TFDP2: variants seen among roughly 807,000 people sequenced by gnomAD.
TFDP2 encodes the protein transcription factor Dp-2 (E2F dimerization partner 2).
Under a neutral mutation model 59.3 loss-of-function variants are expected in TFDP2, and 17 were observed. That is an observed-to-expected ratio of 0.29 (90% CI 0.20 to 0.43). The LOEUF is 0.43. TFDP2 is among the 20% of genes least tolerant of loss of function. TFDP2 has a pLI of 1.00. For synonymous variants in TFDP2, 180 were observed against 194.7 expected, an observed-to-expected ratio of 0.92 and a Z score of 0.63; for missense variants, 391 against 528.8, an observed-to-expected ratio of 0.74 and a Z score of 2.56.
chr3:142,006,046 T>C (rs757614047), intron 3 of TFDP2, among the ~76,000 whole-genome samples: 2 of 152,206 alleles, frequency 1.3e-5, no homozygotes, highest in Non-Finnish European at 2.9e-5. Context: ...TTGGTAATGC[T>C]TTAGGGTTTT....
rs368002350 is a variant in TFDP2, at chr3:142,007,817, C to T, written c.83-2273G>A. On this transcript the variant is annotated intron_variant, in intron 3 of 12. Transcript: ENST00000489671. Reference sequence around the variant, plus strand: ...TTTGTGCTCCTATGATAATCTAATGCCGCTGCTGATCTGACAGGAGGCGGA... The same window carrying T: ...TTTGTGCTCCTATGATAATCTAATGTCGCTGCTGATCTGACAGGAGGCGGA... Among the ~76,000 whole-genome samples the T allele has an allele frequency of 1.6e-4, 24 of 152,232 alleles. 1 individual carries two copies. The highest frequency in any genetic ancestry group is 5.5e-4 in the African/African-American group (23 of 41,538).
intron 11 of TFDP2, among the ~76,000 whole-genome samples, chr3:141,957,370 C>T (rs1334613630): frequency 5.9e-5 from 9 of 152,170 alleles, no homozygotes; most frequent in Admixed American, 5.9e-4. Flanking sequence ...ACTGGTTGGA[C>T]TGTAAATGGT....
At position 142,074,048 on chromosome 3, in the gene TFDP2, C is replaced by G. The variant is rs747892925; in HGVS notation, c.82+19013G>C. Among the ~76,000 whole-genome samples, 6 of 152,164 alleles carry G rather than the reference C, an allele frequency of 3.9e-5. No individual in the cohort carries two copies. In the South Asian group the frequency reaches 1.2e-3, roughly 32 times the overall value. ...TTCCCAATTTTGAAACTTACCAAAA[C>G]TACAGTAATAAAAACATTATGATAC... is the stretch of plus-strand genomic sequence containing the variant. On this transcript the variant is annotated intron_variant, in intron 3 of 12. Transcript: ENST00000489671.
At chr3:141,970,361 C>A (rs1335021709) in intron 8 of TFDP2, among the ~76,000 whole-genome samples, 1 of 152,166 alleles carries the variant, frequency 6.6e-6, no homozygotes, top group African/African-American at 2.4e-5. Flanking sequence ...AAAATGAAAT[C>A]ATACACTTAA....
intron 1 of TFDP2, among the ~76,000 whole-genome samples, chr3:142,138,822 G>A (rs140560608): frequency 6.6e-6 from 1 of 152,210 alleles, no homozygotes. Flanking sequence ...GTGTGATATG[G>A]TGCTGAGAAG....
rs1346781757 is a variant in TFDP2 at position 141,953,155 on chromosome 3, G to T, written c.1052-139C>A. 5 of 504,954 alleles carry T rather than the reference G, an allele frequency of 9.9e-6. No homozygotes were observed. The South Asian group carries it at 1.4e-4, about 14-fold the overall frequency. The allele number at this position is 504,954 out of a possible 1,614,324, so 31.3% of individuals were successfully genotyped here. A position where few individuals can be genotyped will look rare whatever the true frequency, so the allele number is the denominator to read the frequency against. On this transcript the variant is annotated intron_variant, in intron 11 of 12. Coordinates refer to ENST00000489671, the MANE Select transcript of TFDP2 (RefSeq NM_001178139.2). ...CTAGACAATTCTCTTGCTGTGACAA[G>T]AACCCAGGTTTCTTCATCTTCTTGG...
chr3:141,989,787 C>T (rs1365739904), intron 6 of TFDP2, among the ~76,000 whole-genome samples: 1 of 152,078 alleles, frequency 6.6e-6, no homozygotes, highest in Non-Finnish European at 1.5e-5. Context: ...TCTCTACTTT[C>T]ACTTTTCATT....
chr3:142,099,987 A>G lies in TFDP2; in HGVS notation c.15+1748T>C, dbSNP rs147869670. ...CCTGCCCTCATATCCTAATGACTCA[A>G]TAAATCTTGATGACTGTCCCCAAAT... is the stretch of plus-strand genomic sequence containing the variant. On this transcript the variant is annotated intron_variant, in intron 2 of 12. Transcript: ENST00000489671. Among the ~76,000 whole-genome samples, 5 of 152,324 alleles carry G rather than the reference A, an allele frequency of 3.3e-5. No homozygotes were observed. In the East Asian group the frequency reaches 9.6e-4, roughly 29 times the overall value.
At chr3:142,006,287 A>G (rs2108270173) in intron 3 of TFDP2, among the ~76,000 whole-genome samples, 1 of 152,308 alleles carries the variant, frequency 6.6e-6, no homozygotes, top group South Asian at 2.1e-4. Flanking sequence ...CTCAGAAGTT[A>G]ACAGTGTAAC....
chr3:142,028,785 C>T (rs1209145539), intron 3 of TFDP2: 2 of 908,584 alleles, frequency 2.2e-6, no homozygotes, highest in African/African-American at 1.8e-5. Flanking sequence ...ATACTGTTTA[C>T]AACAAAGACA....
intron 7 of TFDP2, among the ~76,000 whole-genome samples, chr3:141,975,102 C>T (rs1023009949): frequency 5.3e-5 from 8 of 151,612 alleles, no homozygotes; most frequent in Admixed American, 1.3e-4. Flanking sequence ...TTAGTAGAGA[C>T]GGGGTTTCAC....
intron 6 of TFDP2, among the ~76,000 whole-genome samples, chr3:141,987,265 TTGTGTGTGTGTG>T (rs56988461): frequency 4.5e-5 from 6 of 132,926 alleles, no homozygotes; most frequent in South Asian, 2.3e-4. Flanking sequence ...GCTGTCAGAT[TTGTGTGTGTGTG>T]TGTGTGTGTG....
At chr3:142,107,013 G>T (rs951013402) in intron 1 of TFDP2, among the ~76,000 whole-genome samples, 5 of 152,140 alleles carry the variant, frequency 3.3e-5, no homozygotes, top group African/African-American at 1.2e-4. Flanking sequence ...AGGAAAGGTA[G>T]CATATTTAAA....
At chr3:142,086,871 CA>C (rs1450620388) in intron 3 of TFDP2, among the ~76,000 whole-genome samples, 1 of 152,212 alleles carries the variant, frequency 6.6e-6, no homozygotes, top group African/African-American at 2.4e-5. Flanking sequence ...CACCAAGGGT[CA>C]CCTCATTTGT....
At chr3:142,130,593 A>G (rs2062463572) in intron 1 of TFDP2, among the ~76,000 whole-genome samples, 1 of 151,700 alleles carries the variant, frequency 6.6e-6, no homozygotes, top group Admixed American at 6.6e-5. Flanking sequence ...GTACCCATTA[A>G]CTCATTATTT....
intron 3 of TFDP2, among the ~76,000 whole-genome samples, chr3:142,060,711 A>C (rs16852075): frequency 0.03 from 4,505 of 151,630 alleles, 243 homozygotes; most frequent in African/African-American, 0.1. Context: ...AATTCTGAGA[A>C]CTACACATGG....
At chr3:142,114,444 T>C (rs1391299908) in intron 1 of TFDP2, among the ~76,000 whole-genome samples, 1 of 152,190 alleles carries the variant, frequency 6.6e-6, no homozygotes, top group Non-Finnish European at 1.5e-5. Flanking sequence ...AAAAAAAGCC[T>C]TATAGAAAAA....
At chr3:142,051,214 C>G (rs961471049) in intron 3 of TFDP2, among the ~76,000 whole-genome samples, 6 of 152,136 alleles carry the variant, frequency 3.9e-5, no homozygotes, top group African/African-American at 1.4e-4. Context: ...CAGGGGCAAC[C>G]TTCCTGCCTA....
chr3:141,993,635 T>C, intron 5 of TFDP2, 50 bp from the exon 6 acceptor site: 3 of 1,058,914 alleles, frequency 2.8e-6, no homozygotes, highest in Non-Finnish European at 4.2e-6. Flanking sequence ...TAAATACAAT[T>C]TAATTTCATT....
Sources: gnomAD v4.1 joint callset for allele counts (sites outside exome capture counted in the v4.1 genomes callset) on GRCh38, gnomAD v4.1.1 for gene constraint, MANE v1.5 for transcripts, NCBI Gene and HGNC (gene_info 2026-07-23, HGNC 2026-07-21) for gene names.